Variants in RAB3C observed in about 807,000 individuals in gnomAD.
The protein encoded by RAB3C is ras-related protein Rab-3C.
A neutral mutation model predicts 26.4 loss-of-function variants in RAB3C; 17 were observed. The ratio of observed to expected loss-of-function variants is 0.64; its 90% CI spans 0.44 to 0.97. RAB3C has a LOEUF of 0.97. Ranked by LOEUF, RAB3C falls within the 50% of genes least tolerant of loss-of-function variation. The pLI, the probability that RAB3C is intolerant of heterozygous loss-of-function variation, is 0.00. For synonymous variants in RAB3C, 91 were observed against 95.9 expected, an observed-to-expected ratio of 0.95 and a Z score of 0.30; for missense variants, 242 against 281.9, an observed-to-expected ratio of 0.86 and a Z score of 1.01.
intron 1 of RAB3C, among the ~76,000 whole-genome samples, chr5:58,616,327 G>A (rs1374686201): frequency 2.0e-5 from 3 of 152,150 alleles, no homozygotes; most frequent in African/African-American, 7.2e-5. Context: ...TTTGTTTCAT[G>A]TTAATGTAAA....
At chr5:58,768,655 A>G (rs1044494141) in intron 3 of RAB3C, among the ~76,000 whole-genome samples, 9 of 152,010 alleles carry the variant, frequency 5.9e-5, no homozygotes, top group African/African-American at 9.7e-5. Context: ...TATGAAGATT[A>G]TGGGAGATGG....
chr5:58,790,609 G>A, intron 3 of RAB3C, among the ~76,000 whole-genome samples: 1 of 151,880 alleles, frequency 6.6e-6, no homozygotes, highest in South Asian at 2.1e-4. Flanking sequence ...ATATTATGCG[G>A]GAAAAAAACA....
intron 2 of RAB3C, among the ~76,000 whole-genome samples, chr5:58,679,569 C>T (rs1053322267): frequency 6.6e-6 from 1 of 152,106 alleles, no homozygotes; most frequent in African/African-American, 2.4e-5. Flanking sequence ...TGATACATTT[C>T]AGTTCTTTAT....
At chr5:58,683,737 G>A (rs1748392322) in intron 2 of RAB3C, among the ~76,000 whole-genome samples, 1 of 152,082 alleles carries the variant, frequency 6.6e-6, no homozygotes, top group Non-Finnish European at 1.5e-5. Context: ...TCCTGTCTAG[G>A]ACATGAGTCA....
At chr5:58,614,322 G>A (rs1375450979) in intron 1 of RAB3C, among the ~76,000 whole-genome samples, 3 of 151,976 alleles carry the variant, frequency 2.0e-5, no homozygotes, top group Non-Finnish European at 2.9e-5. Flanking sequence ...TGCTTCACTT[G>A]TGGTCTCAGC....
intron 2 of RAB3C, among the ~76,000 whole-genome samples, chr5:58,703,179 T>C (rs1275704755): frequency 1.3e-5 from 2 of 152,200 alleles, no homozygotes; most frequent in African/African-American, 4.8e-5. Context: ...TTTATTCTTT[T>C]TTTTTGTTTG....
At chr5:58,710,848 A>G (rs534924390) in intron 2 of RAB3C, among the ~76,000 whole-genome samples, 26 of 152,202 alleles carry the variant, frequency 1.7e-4, no homozygotes, top group Middle Eastern at 3.4e-3. Context: ...TCTGATTTCT[A>G]CATTTTCATT....
chr5:58,624,795 T>C (rs1262738693), intron 2 of RAB3C, among the ~76,000 whole-genome samples: 1 of 152,092 alleles, frequency 6.6e-6, no homozygotes, highest in Non-Finnish European at 1.5e-5. Context: ...GAGACCTCTC[T>C]GTGTAACCTT....
At chr5:58,736,539 T>G (rs1274911093) in intron 3 of RAB3C, among the ~76,000 whole-genome samples, 1 of 152,208 alleles carries the variant, frequency 6.6e-6, no homozygotes, top group Admixed American at 6.5e-5. Context: ...TCACCTACTC[T>G]TACTTTGGAC....
intron 2 of RAB3C, among the ~76,000 whole-genome samples, chr5:58,625,726 G>A (rs1462499091): frequency 6.6e-6 from 1 of 151,924 alleles, no homozygotes; most frequent in African/African-American, 2.4e-5. Context: ...GTGTTGTGGT[G>A]CACGCCTGTA....
intron 2 of RAB3C, among the ~76,000 whole-genome samples, chr5:58,653,261 C>T (rs1438998726): frequency 6.6e-6 from 1 of 151,978 alleles, no homozygotes; most frequent in Non-Finnish European, 1.5e-5. Context: ...CCATCTCACG[C>T]CAGTTAGAAT....
At chr5:58,583,349 C>G in intron 1 of RAB3C, 117 bp downstream of exon 1, 2 of 1,558,872 alleles carry the variant, frequency 1.3e-6, no homozygotes, top group Non-Finnish European at 1.7e-6. Context: ...CGCGGAGATG[C>G]GGCTCTGTGA....
chr5:58,808,883 G>A (rs1270366514), intron 3 of RAB3C, among the ~76,000 whole-genome samples: 1 of 152,120 alleles, frequency 6.6e-6, no homozygotes, highest in Non-Finnish European at 1.5e-5. Flanking sequence ...TCTTGACTTA[G>A]CATTTCAAAA....
chr5:58,839,392 CAG>C (rs1466116159), intron 4 of RAB3C, among the ~76,000 whole-genome samples: 1 of 127,744 alleles, frequency 7.8e-6, no homozygotes, highest in Non-Finnish European at 1.7e-5. Flanking sequence ...TTTTTTGAGA[CAG>C]AGTTTTGCTG....
At position 58,851,471 on chromosome 5, in the gene RAB3C, C is replaced by A; in HGVS notation, c.*120C>A. On this transcript the variant is annotated 3_prime_UTR_variant, in exon 5 of 5. Coordinates refer to ENST00000282878, the MANE Select transcript of RAB3C (RefSeq NM_138453.4). ...ATTATTTGAAGGAATAAATTGATGT[C>A]AATGGCTCGTACGCATTCAATTCTT... 1.3e-6 allele frequency: 1 copy of A among 788,114 alleles called. No individual in the cohort carries two copies. 48.8% of individuals were successfully genotyped at this position (788,114 alleles called of 1,614,324 possible).
At chr5:58,833,308 C>T (rs1403796979) in intron 4 of RAB3C, among the ~76,000 whole-genome samples, 5 of 145,498 alleles carry the variant, frequency 3.4e-5, no homozygotes, top group African/African-American at 1.0e-4. Context: ...TTTTAAAAAC[C>T]ATGGCACGGA....
chr5:58,627,869 G>C (rs879456147), intron 2 of RAB3C, among the ~76,000 whole-genome samples: 1 of 152,140 alleles, frequency 6.6e-6, no homozygotes, highest in African/African-American at 2.4e-5. Flanking sequence ...TGTTTACAAA[G>C]CATCGGGGCC....
At chr5:58,802,129 A>T (rs1189241713) in intron 3 of RAB3C, among the ~76,000 whole-genome samples, 1 of 152,160 alleles carries the variant, frequency 6.6e-6, no homozygotes, top group African/African-American at 2.4e-5. Flanking sequence ...AATCTAAAGC[A>T]TGAGAAAATA....
intron 4 of RAB3C, among the ~76,000 whole-genome samples, chr5:58,827,451 AT>A (rs1561144090): frequency 6.6e-6 from 1 of 152,182 alleles, no homozygotes; most frequent in African/African-American, 2.4e-5. Context: ...AACTGGCTAA[AT>A]TTTTTAACAC....
Sources: allele counts gnomAD v4.1 joint callset (sites outside exome capture counted in the v4.1 genomes callset), GRCh38; gene constraint gnomAD v4.1.1; transcripts MANE v1.5; gene names NCBI Gene and HGNC (gene_info 2026-07-23, HGNC 2026-07-21).